Variants in GABRB1 observed in about 807,000 individuals in gnomAD.
GABRB1 encodes gamma-aminobutyric acid type A receptor subunit beta1.
Under a neutral mutation model 51.6 loss-of-function variants are expected in GABRB1, and 17 were observed. That is an observed-to-expected ratio of 0.33 (90% CI 0.23 to 0.49). The LOEUF (loss-of-function observed/expected upper bound fraction) is 0.49. Ranked by LOEUF, GABRB1 falls within the 20% of genes least tolerant of loss-of-function variation. The pLI is 0.99. For synonymous variants in GABRB1, 247 were observed against 218.9 expected, an observed-to-expected ratio of 1.13 and a Z score of -1.14; for missense variants, 410 against 600.6, an observed-to-expected ratio of 0.68 and a Z score of 3.32.
At chr4:47,244,110 T>C (rs1458524723) in intron 4 of GABRB1, among the ~76,000 whole-genome samples, 5 of 152,234 alleles carry the variant, frequency 3.3e-5, no homozygotes, top group Non-Finnish European at 5.9e-5. Context: ...TTGAATTTTG[T>C]CGAAGGCCTT....
chr4:47,041,779 A>G (rs1725855830), intron 3 of GABRB1, among the ~76,000 whole-genome samples: 2 of 152,208 alleles, frequency 1.3e-5, no homozygotes, highest in African/African-American at 4.8e-5. Flanking sequence ...AGACAGTTCA[A>G]TGACATTCAT....
intron 4 of GABRB1, among the ~76,000 whole-genome samples, chr4:47,240,447 A>C (rs1213931905): frequency 6.6e-6 from 1 of 152,164 alleles, no homozygotes; most frequent in African/African-American, 2.4e-5. Context: ...ATTTTTCAAG[A>C]GTGGAGAATG....
chr4:47,364,622 T>TA (rs547649161), intron 5 of GABRB1, among the ~76,000 whole-genome samples: 4 of 149,604 alleles, frequency 2.7e-5, no homozygotes, highest in African/African-American at 7.4e-5. Context: ...CCAGTGAGAC[T>TA]AAAAAAAATT....
At chr4:47,334,083 A>C (rs929481939) in intron 5 of GABRB1, among the ~76,000 whole-genome samples, 1 of 152,188 alleles carries the variant, frequency 6.6e-6, no homozygotes, top group African/African-American at 2.4e-5. Context: ...CTTGTCGAAC[A>C]TTCAGGGTCT....
At chr4:47,350,212 T>TAGAGAGAGAGAGAG (rs778764022) in intron 5 of GABRB1, among the ~76,000 whole-genome samples, 3 of 85,638 alleles carry the variant, frequency 3.5e-5, no homozygotes, top group East Asian at 4.6e-4. Context: ...TATATATATA[T>TAGAGAGAGAGAGAG]ATATATAGAG....
intron 3 of GABRB1, among the ~76,000 whole-genome samples, chr4:47,108,417 C>T (rs974170622): frequency 6.6e-6 from 1 of 151,912 alleles, no homozygotes; most frequent in Non-Finnish European, 1.5e-5. Context: ...CTTGGTAAAC[C>T]CAAATCTTTT....
chr4:47,163,640 A>T (rs1234046958), intron 4 of GABRB1, among the ~76,000 whole-genome samples: 1 of 152,020 alleles, frequency 6.6e-6, no homozygotes, highest in Non-Finnish European at 1.5e-5. Context: ...CCTCAGCATC[A>T]TACAATATAG....
At chr4:47,083,046 G>A (rs1428739836) in intron 3 of GABRB1, among the ~76,000 whole-genome samples, 1 of 152,130 alleles carries the variant, frequency 6.6e-6, no homozygotes, top group Non-Finnish European at 1.5e-5. Context: ...AAGTGCTACA[G>A]AAATGTCTTG....
chr4:47,252,326 T>A (rs866411568), intron 4 of GABRB1, among the ~76,000 whole-genome samples: 1 of 152,150 alleles, frequency 6.6e-6, no homozygotes, highest in South Asian at 2.1e-4. Context: ...GAGGAGGCTT[T>A]CCCTTACCCA....
At chr4:47,194,198 T>C (rs1253369071) in intron 4 of GABRB1, among the ~76,000 whole-genome samples, 1 of 152,220 alleles carries the variant, frequency 6.6e-6, no homozygotes, top group Non-Finnish European at 1.5e-5. Flanking sequence ...TGGAATAGAA[T>C]TGACGTCATT....
At chr4:47,090,707 C>CA (rs1728255402) in intron 3 of GABRB1, among the ~76,000 whole-genome samples, 1 of 152,176 alleles carries the variant, frequency 6.6e-6, no homozygotes, top group South Asian at 2.1e-4. Context: ...GAACCTACTA[C>CA]ATTAAAGGTG....
intron 3 of GABRB1, among the ~76,000 whole-genome samples, chr4:47,100,977 G>T (rs547709403): frequency 6.6e-6 from 1 of 151,906 alleles, no homozygotes. Flanking sequence ...TATAAAATAC[G>T]GTACATGGAG....
At position 47,374,462 on chromosome 4, in the gene GABRB1, G is replaced by A. The variant is rs76087962; in HGVS notation, c.545-28856G>A. On this transcript the variant is annotated intron_variant, in intron 5 of 8. Coordinates refer to ENST00000295454, the MANE Select transcript of GABRB1 (RefSeq NM_000812.4). ...CTGAAACCCACTACTCAGGGATAAG[G>A]GAAAACTGTTCTTGGGCCCATGATG... Among the ~76,000 whole-genome samples the A allele has an allele frequency of 7.5e-3, 1,142 of 152,264 alleles. 10 individuals carry two copies. Among genetic ancestry groups the A allele is most frequent in the African/African-American group, 0.025 (1,035 of 41,556 alleles).
chr4:47,234,827 CTCT>C (rs1721268932), intron 4 of GABRB1, among the ~76,000 whole-genome samples: 1 of 152,190 alleles, frequency 6.6e-6, no homozygotes, highest in Admixed American at 6.5e-5. Context: ...ATTGCCACAT[CTCT>C]TCTTCTCAAT....
intron 8 of GABRB1, among the ~76,000 whole-genome samples, chr4:47,424,369 A>G (rs1224776444): frequency 6.6e-6 from 1 of 152,148 alleles, no homozygotes; most frequent in African/African-American, 2.4e-5. Flanking sequence ...CTTTTAAAAT[A>G]GGGTTGCTGT....
At chr4:47,308,585 A>G (rs2109948622) in intron 4 of GABRB1, among the ~76,000 whole-genome samples, 1 of 152,212 alleles carries the variant, frequency 6.6e-6, no homozygotes, top group East Asian at 1.9e-4. Context: ...CTTCAAGATG[A>G]CTGATTACCT....
rs140642379 is a variant in GABRB1, at chr4:47,195,952, A to T, written c.461+34483A>T. Among the ~76,000 whole-genome samples, 409 of 152,348 alleles carry T rather than the reference A, an allele frequency of 2.7e-3. 3 individuals carry two copies. Among genetic ancestry groups the T allele is most frequent in the African/African-American group, 8.8e-3 (367 of 41,578 alleles). Reference sequence around the variant, plus strand: ...AACACTGTTTCTGTGATATAGAGTGAATAAGAAAAGTCAGAGCAGAACTTG... The same window carrying T: ...AACACTGTTTCTGTGATATAGAGTGTATAAGAAAAGTCAGAGCAGAACTTG... On this transcript the variant is annotated intron_variant, in intron 4 of 8. Coordinates refer to ENST00000295454, the MANE Select transcript of GABRB1 (RefSeq NM_000812.4).
chr4:47,317,418 T>C (rs922752748), intron 4 of GABRB1, among the ~76,000 whole-genome samples: 1 of 151,940 alleles, frequency 6.6e-6, no homozygotes, highest in African/African-American at 2.4e-5. Context: ...TTATTGTGGG[T>C]GTTTTATTTA....
At chr4:47,249,253 T>G (rs1455643885) in intron 4 of GABRB1, among the ~76,000 whole-genome samples, 1 of 152,204 alleles carries the variant, frequency 6.6e-6, no homozygotes, top group East Asian at 1.9e-4. Flanking sequence ...TCCATCTTGA[T>G]TTCATTTTTG....
Sources: gnomAD v4.1 joint callset for allele counts (sites outside exome capture counted in the v4.1 genomes callset) on GRCh38, gnomAD v4.1.1 for gene constraint, MANE v1.5 for transcripts, NCBI Gene and HGNC (gene_info 2026-07-23, HGNC 2026-07-21) for gene names.